ZNF385A: variants seen among roughly 807,000 people sequenced by gnomAD.
The protein encoded by ZNF385A is hematopoietic zinc finger protein.
A neutral mutation model predicts 32.1 loss-of-function variants in ZNF385A; 14 were observed. That is an observed-to-expected ratio of 0.44 (90% CI 0.29 to 0.68). The LOEUF (loss-of-function observed/expected upper bound fraction) is 0.68, where lower values mean the gene tolerates loss of function less well. Among genes scored for constraint, ZNF385A ranks in the 30% least tolerant of loss-of-function variants. ZNF385A has a pLI of 0.14. For synonymous variants in ZNF385A, 197 were observed against 202.7 expected (o/e 0.97, Z 0.24); for missense variants, 406 against 478.4 (o/e 0.85, Z 1.41).
intron 1 of ZNF385A, among the ~76,000 whole-genome samples, chr12:54,376,535 G>A (rs1273204538): frequency 6.6e-6 from 1 of 152,226 alleles, no homozygotes; most frequent in Non-Finnish European, 1.5e-5. Context: ...TCTAGAGGGA[G>A]TAAAAGAACT....
intron 4 of ZNF385A, 117 bp from the exon 5 acceptor site, chr12:54,371,213 G>T (rs1954532275): frequency 3.3e-6 from 4 of 1,211,932 alleles, no homozygotes; most frequent in Non-Finnish European, 3.3e-6. Flanking sequence ...GGCACAGTGT[G>T]GGTTCTTTCT....
At chr12:54,371,785 AC>A (rs368760450) in intron 3 of ZNF385A, 70 bp from the exon 4 acceptor site, 132 of 1,577,090 alleles carry the variant, frequency 8.4e-5, no homozygotes, top group East Asian at 7.4e-4. Flanking sequence ...TGTGGAAGAG[AC>A]CCCCCCCATT....
chr12:54,369,182 G>A lies in ZNF385A; in HGVS notation c.*1074C>T, dbSNP rs1159344366. On this transcript the variant is annotated 3_prime_UTR_variant, in exon 7 of 7. Coordinates refer to ENST00000394313, the MANE Select transcript of ZNF385A (RefSeq NM_015481.3). ...CTTTATTGTCAGGGAGAGGAAAAAG[G>A]GGAGGACCGTGGGTGGGGGGCCTGG... The A allele has an allele frequency of 6.6e-6, 1 of 152,390 alleles. No individual in the cohort carries two copies. Among genetic ancestry groups the A allele is most frequent in the Non-Finnish European group, 1.5e-5 (1 of 68,104 alleles). The allele number at this position is 152,390 out of a possible 1,614,324, so 9.4% of individuals were successfully genotyped here. A position where few individuals can be genotyped will look rare whatever the true frequency, so the allele number is the denominator to read the frequency against.
upstream of ZNF385A, among the ~76,000 whole-genome samples, chr12:54,386,218 G>A (rs897607292): frequency 2.1e-5 from 3 of 142,190 alleles, no homozygotes; most frequent in Non-Finnish European, 4.5e-5. Flanking sequence ...ACAGAGAGAC[G>A]GACAGATGAA....
At chr12:54,384,797 C>G (rs1592269383), upstream of ZNF385A, 2 of 1,233,654 alleles carry the variant, frequency 1.6e-6, no homozygotes, top group African/African-American at 1.6e-5. Flanking sequence ...TCACTTCCCC[C>G]TTTTCCAGCC....
chr12:54,385,698 C>G (rs1955446504), upstream of ZNF385A: 7 of 985,186 alleles, frequency 7.1e-6, no homozygotes, highest in Non-Finnish European at 8.4e-6. Context: ...CCTGCTGCCC[C>G]CAGGCAGTGG....
chr12:54,376,000 T>C (rs754962910), intron 1 of ZNF385A, 46 bp from the exon 2 acceptor site: 11 of 1,471,182 alleles, frequency 7.5e-6, no homozygotes, highest in Non-Finnish European at 1.0e-5. Flanking sequence ...GCGCAACTCA[T>C]GTCCAGCATT....
intron 1 of ZNF385A, among the ~76,000 whole-genome samples, chr12:54,383,635 C>T (rs1955312657): frequency 6.6e-6 from 1 of 152,258 alleles, no homozygotes. Context: ...TGGCTCATGC[C>T]TGTAATCCCA....
intron 1 of ZNF385A, chr12:54,379,244 G>GC: frequency 1.0e-6 from 1 of 977,356 alleles, no homozygotes; most frequent in Non-Finnish European, 1.2e-6. Flanking sequence ...GCCGGAGCCC[G>GC]CCCCGGAGGC....
At position 54,370,038 on chromosome 12, in the gene ZNF385A, G is replaced by A; in HGVS notation, c.*218C>T. ...CCCCTTTTCTAGGGGAGAGGGAAAG[G>A]CAGGGGGCGGGGTTCCCTGAGATCT... On this transcript the variant is annotated 3_prime_UTR_variant, in exon 7 of 7. Coordinates refer to ENST00000394313, the MANE Select transcript of ZNF385A (RefSeq NM_015481.3). This position sits in a 1 kb window ranked among gnomAD's most constrained non-coding sequence, Gnocchi z 5.5. The A allele has an allele frequency of 2.4e-6, 1 of 422,874 alleles. No homozygotes were observed. The highest frequency in any genetic ancestry group is 4.2e-6 in the Non-Finnish European group (1 of 239,876). 26.2% of individuals were successfully genotyped at this position (422,874 alleles called of 1,614,324 possible). A position where few individuals can be genotyped will look rare whatever the true frequency, so the allele number is the denominator to read the frequency against.
intron 1 of ZNF385A, 57 bp from the exon 2 acceptor site, chr12:54,376,011 C>G (rs1321870688): frequency 7.9e-6 from 11 of 1,397,648 alleles, no homozygotes; most frequent in Non-Finnish European, 1.0e-5. Flanking sequence ...GTCCAGCATT[C>G]CCCCAACACA....
upstream of ZNF385A, among the ~76,000 whole-genome samples, chr12:54,387,294 T>G (rs924422858): frequency 2.0e-4 from 30 of 148,370 alleles, no homozygotes; most frequent in East Asian, 2.2e-3. Flanking sequence ...GGGAGGGGAG[T>G]GGAGTGGGAG....
At chr12:54,385,771 T>C, upstream of ZNF385A, 1 of 565,624 alleles carries the variant, frequency 1.8e-6, no homozygotes, top group Non-Finnish European at 2.2e-6. Context: ...TTCTGCCCTC[T>C]GCCCCCTCCC....
At chr12:54,375,802 C>T (rs1414058271) in intron 2 of ZNF385A, 42 bp downstream of exon 2, 18 of 1,576,986 alleles carry the variant, frequency 1.1e-5, no homozygotes, top group Non-Finnish European at 1.5e-5. Context: ...CCCTGCTGCC[C>T]CTGCCCCACC....
At chr12:54,381,596 G>A (rs1955184872) in intron 1 of ZNF385A, 1 of 152,224 alleles carries the variant, frequency 6.6e-6, no homozygotes, top group Non-Finnish European at 1.5e-5. Flanking sequence ...TGTAAGTCAG[G>A]TGTTTAGATG....
Position 54,370,226 on chromosome 12 carries a change from G to T in ZNF385A, c.*30C>A. ...CGCCTGGGTCCCGGCTGGAGGTGGG[G>T]AGTTGAATGGGAGGGGTTCAGGGTT... On this transcript the variant is annotated 3_prime_UTR_variant, in exon 7 of 7. Transcript: ENST00000394313. This position sits in a 1 kb window ranked among gnomAD's most constrained non-coding sequence, Gnocchi z 5.5. 1 of 1,404,618 alleles carries T rather than the reference G, an allele frequency of 7.1e-7. No individual in the cohort carries two copies. The highest frequency in any genetic ancestry group is 9.3e-7 in the Non-Finnish European group (1 of 1,073,412). The allele number at this position is 1,404,618 out of a possible 1,614,324, so 87.0% of individuals were successfully genotyped here.
rs201589447 is a variant in ZNF385A at position 54,375,913 on chromosome 12, C to T, written c.129G>A (p.Gly43=). ...GCCGCTTGGTCTTGAGCAAGGGTCC[C>T]CCAAAAGTGTGGGAGAGCACAGCCT... ...VQKAVLSHTF[G]GPLLKTKRPV... Residue 43 remains glycine (G), a synonymous_variant, in exon 2 of 7, where the codon GGG becomes GGA. Coordinates refer to ENST00000394313, the MANE Select transcript of ZNF385A (RefSeq NM_015481.3). The T allele has an allele frequency of 2.5e-6, 4 of 1,614,112 alleles. No individual in the cohort carries two copies. The highest frequency in any genetic ancestry group is 1.7e-5 in the Admixed American group (1 of 60,008).
At chr12:54,377,654 C>G (rs151264417) in intron 1 of ZNF385A, among the ~76,000 whole-genome samples, 296 of 152,296 alleles carry the variant, frequency 1.9e-3, no homozygotes, top group African/African-American at 6.2e-3. Context: ...AAGTTGGAGA[C>G]AGTCTTTAAT....
At chr12:54,374,614 C>T (rs1029008944) in intron 2 of ZNF385A, among the ~76,000 whole-genome samples, 1 of 152,218 alleles carries the variant, frequency 6.6e-6, no homozygotes, top group Non-Finnish European at 1.5e-5. Flanking sequence ...GTCCTGACTA[C>T]TTCCCCTTGG....
Sources: allele counts gnomAD v4.1 joint callset (sites outside exome capture counted in the v4.1 genomes callset), GRCh38; gene constraint gnomAD v4.1.1; non-coding constraint Gnocchi (gnomAD v3.1); transcripts MANE v1.5; gene names NCBI Gene and HGNC (gene_info 2026-07-23, HGNC 2026-07-21).